The following SLC44A5 variants were observed in gnomAD, a reference collection of about 807,000 sequenced individuals.
SLC44A5 encodes the protein solute carrier family 44 member 5, also known as choline transporter-like protein 5.
SLC44A5 carries 57 observed loss-of-function variants against 101.8 expected under a neutral mutation model. The ratio of observed to expected loss-of-function variants is 0.56; its 90% CI spans 0.45 to 0.70. The LOEUF (loss-of-function observed/expected upper bound fraction) is 0.70, where lower values mean the gene tolerates loss of function less well. Ranked by LOEUF, SLC44A5 falls within the 30% of genes least tolerant of loss-of-function variation. The probability of loss-of-function intolerance (pLI) is 0.00; values close to 1 mark genes in which losing one functional copy is unlikely to be tolerated. For missense variants in SLC44A5, 737 were observed against 853.1 expected, an observed-to-expected ratio of 0.86 and a Z score of 1.70; for synonymous variants, 281 against 290.9, an observed-to-expected ratio of 0.97 and a Z score of 0.35.
At chr1:75,574,906 TG>T (rs986190989) in intron 1 of SLC44A5, among the ~76,000 whole-genome samples, 2 of 152,110 alleles carry the variant, frequency 1.3e-5, no homozygotes, top group Non-Finnish European at 2.9e-5. Flanking sequence ...CAGCTTGGTC[TG>T]TAAGGGAATA....
chr1:75,404,326 C>A (rs1662705263), intron 2 of SLC44A5, among the ~76,000 whole-genome samples: 1 of 152,096 alleles, frequency 6.6e-6, no homozygotes, highest in Non-Finnish European at 1.5e-5. Flanking sequence ...GGCCAACATG[C>A]AAATTCAGGA....
At position 75,302,104 on chromosome 1, in the gene SLC44A5, G is replaced by GTTTTTTTTTTTTTTTTTTTTTTTTTT. The variant is rs1204998592; in HGVS notation, c.102-1420_102-1419insAAAAAAAAAAAAAAAAAAAAAAAAAA. Among the ~76,000 whole-genome samples, 3 of 49,590 alleles carry GTTTTTTTTTTTTTTTTTTTTTTTTTT rather than the reference G, an allele frequency of 6.0e-5. 1 individual carries two copies. The highest frequency in any genetic ancestry group is 2.8e-4 in the African/African-American group (3 of 10,534). The allele number at this position is 49,590 out of a possible 152,430, so 32.5% of individuals were successfully genotyped here. A position where few individuals can be genotyped will look rare whatever the true frequency, so the allele number is the denominator to read the frequency against. On this transcript the variant is annotated intron_variant, in intron 4 of 23. Transcript: ENST00000370859. ...ACAAGAGAAGAAAGCAGGTGCTCTA[G>GTTTTTTTTTTTTTTTTTTTTTTTTTT]TTTTTTTGTTTTTTTTTTTTTTTTT... is the stretch of plus-strand genomic sequence containing the variant.
chr1:75,217,033 G>A (rs1646975078), intron 18 of SLC44A5, among the ~76,000 whole-genome samples: 1 of 152,008 alleles, frequency 6.6e-6, no homozygotes, highest in Admixed American at 6.6e-5. Flanking sequence ...CAAATCCAAT[G>A]TCATGAAGCT....
chr1:75,377,129 T>C (rs1242159685), intron 3 of SLC44A5, among the ~76,000 whole-genome samples: 39 of 151,722 alleles, frequency 2.6e-4, no homozygotes, highest in Admixed American at 2.6e-3. Context: ...TGTGTCTGTG[T>C]AGAAAGAAGT....
chr1:75,404,702 A>C (rs776458832), intron 2 of SLC44A5, among the ~76,000 whole-genome samples: 23 of 152,234 alleles, frequency 1.5e-4, no homozygotes, highest in Non-Finnish European at 2.6e-4. Context: ...AGGAAGCACT[A>C]AATATGGAAA....
chr1:75,602,972 G>C (rs1675068517), intron 1 of SLC44A5, among the ~76,000 whole-genome samples: 2 of 151,770 alleles, frequency 1.3e-5, no homozygotes, highest in South Asian at 4.2e-4. Flanking sequence ...ATTTAATTTG[G>C]GTTTGAGAGT....
intron 4 of SLC44A5, among the ~76,000 whole-genome samples, chr1:75,326,356 TA>T (rs1229882858): frequency 6.6e-6 from 1 of 151,778 alleles, no homozygotes; most frequent in Non-Finnish European, 1.5e-5. Context: ...AGCTTTCTCC[TA>T]CATTAAATCT....
At chr1:75,418,660 C>A (rs1387589037) in intron 2 of SLC44A5, among the ~76,000 whole-genome samples, 1 of 152,050 alleles carries the variant, frequency 6.6e-6, no homozygotes, top group Non-Finnish European at 1.5e-5. Context: ...GATGCACTTA[C>A]AAAGGAAAGG....
At chr1:75,389,711 A>G in intron 3 of SLC44A5, among the ~76,000 whole-genome samples, 1 of 152,214 alleles carries the variant, frequency 6.6e-6, no homozygotes, top group Middle Eastern at 3.2e-3. Context: ...TTGAGAAGTT[A>G]GAAAAATCTC....
At position 75,238,599 on chromosome 1, in the gene SLC44A5, A is replaced by G; in HGVS notation, c.570T>C (p.Asn190=). Residue 190 remains asparagine, a synonymous_variant, in exon 10 of 24, where the codon AAT becomes AAC. Coordinates refer to ENST00000370859, the MANE Select transcript of SLC44A5 (RefSeq NM_001130058.2). ...QRCFPDFSTK[N]GTLTIGSKMM... ...TCTTACTTCCTATTGTTAAAGTGCC[A>G]TTTTTGGTAGAGAAGTCAGGGAAAC... 8 of 1,584,974 alleles carry G rather than the reference A, an allele frequency of 5.0e-6. No homozygotes were observed. The highest frequency in any genetic ancestry group is 6.9e-6 in the Non-Finnish European group (8 of 1,163,920).
At chr1:75,388,523 G>C (rs1340826418) in intron 3 of SLC44A5, among the ~76,000 whole-genome samples, 2 of 152,144 alleles carry the variant, frequency 1.3e-5, no homozygotes, top group Non-Finnish European at 2.9e-5. Flanking sequence ...GCTCATGCCT[G>C]TAATTCCAGC....
intron 3 of SLC44A5, among the ~76,000 whole-genome samples, chr1:75,367,972 C>T (rs2101150252): frequency 6.6e-6 from 1 of 152,314 alleles, no homozygotes; most frequent in East Asian, 1.9e-4. Context: ...ATTTTTATAC[C>T]ACATTCTCTA....
intron 6 of SLC44A5, among the ~76,000 whole-genome samples, chr1:75,263,778 C>T (rs138687807): frequency 0.022 from 3,354 of 152,268 alleles, 152 homozygotes; most frequent in African/African-American, 0.076. Flanking sequence ...AGTACATATA[C>T]ACCATGGACT....
chr1:75,567,357 T>C (rs1019352259), intron 1 of SLC44A5, among the ~76,000 whole-genome samples: 23 of 152,318 alleles, frequency 1.5e-4, no homozygotes, highest in Admixed American at 1.3e-3. Flanking sequence ...TAAGCAGAAC[T>C]GTCTGACAGT....
chr1:75,224,115 T>C (rs1647146811), intron 13 of SLC44A5, among the ~76,000 whole-genome samples: 2 of 152,198 alleles, frequency 1.3e-5, no homozygotes, highest in South Asian at 4.1e-4. Context: ...TCATATAAAA[T>C]GCCAGTCCTG....
intron 2 of SLC44A5, among the ~76,000 whole-genome samples, chr1:75,405,882 TA>T (rs151008621): frequency 1.7e-5 from 2 of 118,814 alleles, no homozygotes; most frequent in African/African-American, 3.4e-5. Flanking sequence ...GCGATAGAGA[TA>T]AAAAAAAAAA....
intron 5 of SLC44A5, among the ~76,000 whole-genome samples, chr1:75,282,101 G>T (rs1392385812): frequency 6.6e-6 from 1 of 152,210 alleles, no homozygotes; most frequent in Non-Finnish European, 1.5e-5. Flanking sequence ...GCTGGAAAGG[G>T]GGCTGTACTC....
chr1:75,219,883 T>G lies in SLC44A5; in HGVS notation c.1095A>C (p.Gly365=). The change falls in exon 15 of 24, where the codon GGA becomes GGC. Residue 365 remains glycine, a synonymous_variant. Transcript: ENST00000370859. Reference sequence around the variant, plus strand: ...GATAGACTAATGTACTAGGAACATATCCAATGGCTCTGAAATAAAACAAAT... The same window carrying G: ...GATAGACTAATGTACTAGGAACATAGCCAATGGCTCTGAAATAAAACAAAT... The part of the protein sequence containing the change: ...ILLKEGSKAI[G]YVPSTLVYPA... 1 of 1,601,498 alleles carries G rather than the reference T, an allele frequency of 6.2e-7. No individual in the cohort carries two copies. The highest frequency in any genetic ancestry group is 8.5e-7 in the Non-Finnish European group (1 of 1,171,536).
At chr1:75,358,615 C>T (rs1442487667) in intron 3 of SLC44A5, among the ~76,000 whole-genome samples, 1 of 152,032 alleles carries the variant, frequency 6.6e-6, no homozygotes, top group Non-Finnish European at 1.5e-5. Flanking sequence ...TAGCAAATTT[C>T]AAATATATAG....
Sources: gnomAD v4.1 joint callset for allele counts (sites outside exome capture counted in the v4.1 genomes callset) on GRCh38, gnomAD v4.1.1 for gene constraint, MANE v1.5 for transcripts, NCBI Gene and HGNC (gene_info 2026-07-23, HGNC 2026-07-21) for gene names.